Variants in SH3D21 observed in about 807,000 individuals in gnomAD.
SH3D21 encodes manchette microtubule inner protein 1.
Under a neutral mutation model 82.1 loss-of-function variants are expected in SH3D21, and 83 were observed. The ratio of observed to expected loss-of-function variants is 1.01; its 90% confidence interval spans 0.85 to 1.21. SH3D21 has a LOEUF of 1.21. SH3D21 is among the 50% of genes most tolerant of loss of function. SH3D21 has a pLI of 0.00. For synonymous variants in SH3D21, 383 were observed against 387.8 expected (o/e 0.99, Z 0.15); for missense variants, 980 against 962.1 (o/e 1.02, Z -0.25).
intron 10 of SH3D21, among the ~76,000 whole-genome samples, chr1:36,318,444 C>A (rs1646380515): frequency 6.6e-6 from 1 of 152,104 alleles, no homozygotes; most frequent in Non-Finnish European, 1.5e-5. Context: ...TGGGTGAGAT[C>A]TCTTAGAGAG....
At chr1:36,322,124 CCCCGGG>C, downstream of SH3D21, 1 of 1,351,796 alleles carries the variant, frequency 7.4e-7, no homozygotes, top group South Asian at 1.7e-5. Flanking sequence ...CCCTCCCCGC[CCCCGGG>C]GTCTTCTGGC....
rs1346429914 is a variant in SH3D21 at position 36,307,515 on chromosome 1, A to T, written c.346-2A>T. ...CGCCTCTGCGTCCTCCCCTCTCCCC[A>T]GATTGAGGACGGCTGGTGGCTGGGG... On this transcript the variant is annotated splice_acceptor_variant, in intron 4 of 15. Coordinates refer to ENST00000453908, the MANE Select transcript of SH3D21 (RefSeq NM_001162530.2). LOFTEE classifies it high-confidence loss of function. The surrounding 1 kb of genome is among the most constrained non-coding windows in gnomAD (Gnocchi z 5.4). The T allele has an allele frequency of 3.9e-6, 6 of 1,551,462 alleles. No homozygotes were observed. In the East Asian group the frequency reaches 1.5e-4, roughly 38 times the overall value.
downstream of SH3D21, among the ~76,000 whole-genome samples, chr1:36,325,405 A>G (rs1228155809): frequency 6.6e-6 from 1 of 152,220 alleles, no homozygotes; most frequent in African/African-American, 2.4e-5. Context: ...AGTATACAGG[A>G]GGATGTGTAT....
chr1:36,320,802 A>G lies in SH3D21; in HGVS notation c.2135+4A>G. On this transcript the variant is annotated splice_donor_region_variant and intron_variant, in intron 14 of 15. Coordinates refer to ENST00000453908, the MANE Select transcript of SH3D21 (RefSeq NM_001162530.2). ...AGCTGATGGAGGTGCAGCTGGAGTG[A>G]GTGGGCAGTGGCGGGGGTTGTGGAA... The G allele has an allele frequency of 6.4e-7, 1 of 1,560,706 alleles. No individual in the cohort carries two copies. Among genetic ancestry groups the G allele is most frequent in the African/African-American group, 1.4e-5 (1 of 73,596 alleles).
At position 36,320,933 on chromosome 1, in the gene SH3D21, C is replaced by A. The variant is rs761046609; in HGVS notation, c.2154C>A (p.Ile718=). The A allele has an allele frequency of 1.3e-6, 2 of 1,566,108 alleles. No individual in the cohort carries two copies. The highest frequency in any genetic ancestry group is 4.7e-5 in the East Asian group (2 of 42,652). ...CCCGCAGGAGGAAGCTGACCGACAT[C>A]TGGGAGGAGCTGAAGAGCGAGAAGG... is the stretch of plus-strand genomic sequence containing the variant. ...EVQLERKLTD[I]WEELKSEKEQ... Residue 718 remains isoleucine, a synonymous_variant, in exon 15 of 16, where the codon ATC becomes ATA. Coordinates refer to ENST00000453908, the MANE Select transcript of SH3D21 (RefSeq NM_001162530.2).
chr1:36,320,525 G>T lies in SH3D21; in HGVS notation c.1862G>T (p.Gly621Val), dbSNP rs1187469124. Residue 621 changes from glycine (G) to valine (V), a missense_variant, in exon 14 of 16, where the codon GGA (glycine) becomes GTA (valine). Physicochemically the swap from Gly to Val is moderately radical, Grantham distance 109 (BLOSUM62 -3). Transcript: ENST00000453908. ...AGAGAGGAGGTGCTCCCCAAAGAGG[G>T]AGTGGCTTCCAAAGAGGAGGTGACC... The part of the protein sequence containing the change: ...PLREEVLPKE[G>V]VASKEEVTLK... 2 of 1,614,142 alleles carry T rather than the reference G, an allele frequency of 1.2e-6. No homozygotes were observed. Among genetic ancestry groups the T allele is most frequent in the South Asian group, 1.1e-5 (1 of 91,082 alleles).
intron 10 of SH3D21, among the ~76,000 whole-genome samples, chr1:36,318,536 C>G (rs561771174): frequency 6.6e-6 from 1 of 152,024 alleles, no homozygotes; most frequent in Non-Finnish European, 1.5e-5. Flanking sequence ...TTTGGGAGGC[C>G]TGAGGCAGGC....
At chr1:36,325,576 G>A (rs529245769), downstream of SH3D21, among the ~76,000 whole-genome samples, 5 of 151,810 alleles carry the variant, frequency 3.3e-5, no homozygotes, top group Admixed American at 6.6e-5. Context: ...ACGGAGTCTC[G>A]CTCTGTCACC....
At chr1:36,316,480 T>A (rs1646345718) in intron 10 of SH3D21, among the ~76,000 whole-genome samples, 1 of 152,206 alleles carries the variant, frequency 6.6e-6, no homozygotes, top group Non-Finnish European at 1.5e-5. Context: ...GGTGATCCAC[T>A]TGCCTCGGTC....
downstream of SH3D21, among the ~76,000 whole-genome samples, chr1:36,330,224 T>C (rs1646578757): frequency 6.6e-6 from 1 of 152,162 alleles, no homozygotes; most frequent in South Asian, 2.1e-4. Context: ...CAAATAAAAA[T>C]TGCTTGCCTG....
chr1:36,317,012 A>G (rs1306002287), intron 10 of SH3D21, among the ~76,000 whole-genome samples: 2 of 152,030 alleles, frequency 1.3e-5, no homozygotes, highest in Non-Finnish European at 1.5e-5. Context: ...ACCTCTTTTA[A>G]GTCCAATGGT....
At chr1:36,328,225 C>T (rs1265223190), downstream of SH3D21, 2 of 434,114 alleles carry the variant, frequency 4.6e-6, no homozygotes, top group African/African-American at 4.0e-5. Flanking sequence ...TGGGAGGGGA[C>T]TTGTGAGTGC....
At chr1:36,325,436 A>G (rs1028471576), downstream of SH3D21, among the ~76,000 whole-genome samples, 5 of 152,240 alleles carry the variant, frequency 3.3e-5, no homozygotes, top group African/African-American at 9.6e-5. Flanking sequence ...CAAATACTGA[A>G]CCAATTTATT....
Position 36,313,148 on chromosome 1 carries a change from C to T in SH3D21, c.769+3558C>T, listed in dbSNP as rs1012705341. The stretch of plus-strand genomic sequence containing the variant: ...GACCATCTTGGCTAACACGGTGAAA[C>T]CCCGTCTCTACTAAAAATACAAAAA... On this transcript the variant is annotated intron_variant, in intron 10 of 15. Transcript: ENST00000453908. 1.1e-4 allele frequency among the ~76,000 whole-genome samples: 16 copies of T among 152,044 alleles called. 2 individuals carry two copies. The highest frequency in any genetic ancestry group is 3.4e-4 in the African/African-American group (14 of 41,520).
chr1:36,307,421 G>A lies in SH3D21; in HGVS notation c.346-96G>A. 1 of 1,504,534 alleles carries A rather than the reference G, an allele frequency of 6.6e-7. No homozygotes were observed. Among genetic ancestry groups the A allele is most frequent in the Non-Finnish European group, 9.0e-7 (1 of 1,110,738 alleles). The allele number at this position is 1,504,534 out of a possible 1,614,324, so 93.2% of individuals were successfully genotyped here. Reference sequence around the variant, plus strand: ...ACGGGGAAGCGCGGGAGGGAAGGAGGGAGGAAGGGGCGCTTGGGCAGAACC... The same window carrying A: ...ACGGGGAAGCGCGGGAGGGAAGGAGAGAGGAAGGGGCGCTTGGGCAGAACC... On this transcript the variant is annotated intron_variant, in intron 4 of 15. Transcript: ENST00000453908. The surrounding 1 kb of genome is among the most constrained non-coding windows in gnomAD (Gnocchi z 5.4).
At position 36,307,142 on chromosome 1, in the gene SH3D21, C is replaced by T. The variant is rs1270460466; in HGVS notation, c.227-25C>T. 6.4e-6 allele frequency: 10 copies of T among 1,550,948 alleles called. No individual in the cohort carries two copies. Among genetic ancestry groups the T allele is most frequent in the African/African-American group, 1.4e-5 (1 of 73,062 alleles). ...CTCTGACTGGGGCGTCCGACTGGAG[C>T]TCAGCCGCGCTTGTCCGGTGCTAGG... is the stretch of plus-strand genomic sequence containing the variant. On this transcript the variant is annotated intron_variant, in intron 3 of 15. Transcript: ENST00000453908. This position sits in a 1 kb window ranked among gnomAD's most constrained non-coding sequence, Gnocchi z 5.4.
chr1:36,314,841 A>G (rs772881240), intron 10 of SH3D21, among the ~76,000 whole-genome samples: 1 of 152,062 alleles, frequency 6.6e-6, no homozygotes, highest in Non-Finnish European at 1.5e-5. Context: ...CTTTTGAACC[A>G]ATGTCAAATC....
At position 36,319,135 on chromosome 1, in the gene SH3D21, A is replaced by G; in HGVS notation, c.834A>G (p.Ala278=). 3 of 1,551,730 alleles carry G rather than the reference A, an allele frequency of 1.9e-6. No individual in the cohort carries two copies. Among genetic ancestry groups the G allele is most frequent in the Non-Finnish European group, 2.6e-6 (3 of 1,146,966 alleles). The stretch of plus-strand genomic sequence containing the variant: ...CCCTCCCCACAGTCAAGAAGCTAGC[A>G]ACAGCCACCACTGGGCCCAGCAAAG... ...KTSLPTVKKL[A]TATTGPSKAK... Residue 278 remains alanine (A), a synonymous_variant, in exon 11 of 16, where the codon GCA becomes GCG. Transcript: ENST00000453908.
downstream of SH3D21, chr1:36,322,833 C>T: frequency 6.7e-7 from 1 of 1,490,890 alleles, no homozygotes; most frequent in Non-Finnish European, 9.2e-7. Context: ...GTAACCCCTA[C>T]TCGAAGGGCA....
Sources: allele counts gnomAD v4.1 joint callset (sites outside exome capture counted in the v4.1 genomes callset), GRCh38; gene constraint gnomAD v4.1.1; non-coding constraint Gnocchi (gnomAD v3.1); transcripts MANE v1.5; gene names NCBI Gene and HGNC (gene_info 2026-07-23, HGNC 2026-07-21).